The following SPAG16 variants were observed in gnomAD, a reference collection of about 807,000 sequenced individuals.
SPAG16 encodes sperm-associated antigen 16 protein.
Under a neutral mutation model 80.4 loss-of-function variants are expected in SPAG16, and 86 were observed. The observed-to-expected ratio is 1.07, with a 90% CI of 0.90 to 1.28. The LOEUF is 1.28. Among genes scored for constraint, SPAG16 ranks in the 50% most tolerant of loss-of-function variants. The probability of loss-of-function intolerance (pLI) is 0.00; values close to 1 mark genes in which losing one functional copy is unlikely to be tolerated. For missense variants in SPAG16, 870 were observed against 765.3 expected (o/e 1.14, Z -1.61); for synonymous variants, 294 against 265.9 (o/e 1.11, Z -1.03).
chr2:214,258,091 G>C (rs780511311), intron 15 of SPAG16, among the ~76,000 whole-genome samples: 2 of 151,962 alleles, frequency 1.3e-5, no homozygotes, highest in Non-Finnish European at 2.9e-5. Context: ...GCATGTGGTA[G>C]ATATTTTATT....
chr2:213,734,272 T>C lies in SPAG16; in HGVS notation c.1071-128213T>C, dbSNP rs564297756. Among the ~76,000 whole-genome samples the C allele has an allele frequency of 6.6e-4, 101 of 152,300 alleles. 1 individual carries two copies. The highest frequency in any genetic ancestry group is 2.2e-3 in the African/African-American group (92 of 41,574). ...GATAAATGCTAGATGGAAACTGCCATTTGCCCACAATTCTAACATCTTAAA... is the reference window on the plus strand; with the variant it reads ...GATAAATGCTAGATGGAAACTGCCACTTGCCCACAATTCTAACATCTTAAA... On this transcript the variant is annotated intron_variant, in intron 10 of 15. Coordinates refer to ENST00000331683, the MANE Select transcript of SPAG16 (RefSeq NM_024532.5).
chr2:213,317,186 T>C, intron 4 of SPAG16, 33 bp from the exon 5 acceptor site: 1 of 1,389,948 alleles, frequency 7.2e-7, no homozygotes, highest in Non-Finnish European at 9.8e-7. Flanking sequence ...CAGAAAGAAA[T>C]GATATAAACC....
intron 10 of SPAG16, among the ~76,000 whole-genome samples, chr2:213,538,974 A>G (rs2125910522): frequency 6.6e-6 from 1 of 152,302 alleles, no homozygotes; most frequent in South Asian, 2.1e-4. Context: ...TGTACTGTAT[A>G]ATGTGACAGT....
At chr2:213,483,456 C>A (rs374795559) in intron 9 of SPAG16, among the ~76,000 whole-genome samples, 14 of 152,226 alleles carry the variant, frequency 9.2e-5, no homozygotes, top group African/African-American at 3.4e-4. Context: ...ATATATTGAA[C>A]CTGTTATATT....
chr2:213,390,985 T>C (rs2067718673), intron 9 of SPAG16, among the ~76,000 whole-genome samples: 1 of 152,114 alleles, frequency 6.6e-6, no homozygotes, highest in South Asian at 2.1e-4. Context: ...TTAGAAATTA[T>C]ATGGCCAGGC....
At chr2:213,844,154 A>G (rs1575327087) in intron 10 of SPAG16, among the ~76,000 whole-genome samples, 2 of 152,294 alleles carry the variant, frequency 1.3e-5, no homozygotes, top group Admixed American at 1.3e-4. Context: ...CAGCTTGCGT[A>G]AAGGTTTTCT....
intron 15 of SPAG16, among the ~76,000 whole-genome samples, chr2:214,408,485 T>G (rs1298028901): frequency 6.6e-6 from 1 of 152,182 alleles, no homozygotes; most frequent in Non-Finnish European, 1.5e-5. Flanking sequence ...CTGTGTCAGG[T>G]TTTGTTCTAG....
At chr2:213,869,485 GTAGA>G (rs2075864348) in intron 11 of SPAG16, among the ~76,000 whole-genome samples, 2 of 151,348 alleles carry the variant, frequency 1.3e-5, no homozygotes, top group African/African-American at 2.4e-5. Context: ...GGAAAACATA[GTAGA>G]CTTTTATTAA....
chr2:213,419,247 C>T (rs1464193109), intron 9 of SPAG16, among the ~76,000 whole-genome samples: 1 of 152,088 alleles, frequency 6.6e-6, no homozygotes, highest in Non-Finnish European at 1.5e-5. Flanking sequence ...TATGGTTCCC[C>T]CTTGTATTCT....
chr2:213,589,906 A>G (rs1055266420), intron 10 of SPAG16, among the ~76,000 whole-genome samples: 2 of 142,668 alleles, frequency 1.4e-5, no homozygotes, highest in African/African-American at 5.3e-5. Flanking sequence ...CGGGCAACAG[A>G]ACGAAACTCC....
At chr2:213,855,380 C>A (rs1474846485) in intron 10 of SPAG16, among the ~76,000 whole-genome samples, 4 of 152,228 alleles carry the variant, frequency 2.6e-5, no homozygotes, top group East Asian at 1.9e-4. Flanking sequence ...CACTTCCTAG[C>A]TTTGTGACCT....
At chr2:214,000,834 T>C (rs2046758239) in intron 12 of SPAG16, among the ~76,000 whole-genome samples, 1 of 150,672 alleles carries the variant, frequency 6.6e-6, no homozygotes, top group African/African-American at 2.4e-5. Context: ...GTTAAATAGA[T>C]TTTTTTTTTC....
At chr2:214,147,308 A>G (rs960465619) in intron 14 of SPAG16, among the ~76,000 whole-genome samples, 2 of 152,202 alleles carry the variant, frequency 1.3e-5, no homozygotes, top group African/African-American at 2.4e-5. Flanking sequence ...TTTTCACACA[A>G]TAACAATGAT....
At chr2:213,333,981 G>T (rs1384109626) in intron 5 of SPAG16, among the ~76,000 whole-genome samples, 2 of 151,076 alleles carry the variant, frequency 1.3e-5, no homozygotes, top group African/African-American at 4.9e-5. Flanking sequence ...ATCACATCAA[G>T]TTAAAAAGCT....
rs35638596 is a variant in SPAG16 at position 213,599,823 on chromosome 2, T to A, written c.1070+109733T>A. Among the ~76,000 whole-genome samples, 433 of 152,304 alleles carry A rather than the reference T, an allele frequency of 2.8e-3. 1 individual carries two copies. The highest frequency in any genetic ancestry group is 0.014 in the Middle Eastern group (4 of 294). Reference sequence around the variant, plus strand: ...TTCAAGCAATTCTCCTGCCTCAGCATCCCGAGTAGCTGGGTTTACAGGTGC... The same window carrying A: ...TTCAAGCAATTCTCCTGCCTCAGCAACCCGAGTAGCTGGGTTTACAGGTGC... On this transcript the variant is annotated intron_variant, in intron 10 of 15. Transcript: ENST00000331683.
At chr2:214,331,532 G>A (rs1451032999) in intron 15 of SPAG16, among the ~76,000 whole-genome samples, 1 of 152,208 alleles carries the variant, frequency 6.6e-6, no homozygotes, top group Non-Finnish European at 1.5e-5. Flanking sequence ...TGGGAAGTAC[G>A]TAAAGCTACT....
chr2:213,526,402 G>A (rs1387939233), intron 10 of SPAG16, among the ~76,000 whole-genome samples: 3 of 151,932 alleles, frequency 2.0e-5, no homozygotes, highest in Admixed American at 6.6e-5. Context: ...CACCTACTAC[G>A]AATTCATCCT....
chr2:213,390,384 C>T (rs893600141), intron 9 of SPAG16, among the ~76,000 whole-genome samples: 3 of 151,950 alleles, frequency 2.0e-5, no homozygotes, highest in Admixed American at 1.3e-4. Context: ...TATGTTATGC[C>T]ATTAATAACT....
At chr2:214,091,451 G>A (rs2052202035) in intron 13 of SPAG16, among the ~76,000 whole-genome samples, 1 of 152,092 alleles carries the variant, frequency 6.6e-6, no homozygotes, top group African/African-American at 2.4e-5. Flanking sequence ...GTGACTTTAT[G>A]CTGGGTCTTT....
Sources: allele counts gnomAD v4.1 joint callset (sites outside exome capture counted in the v4.1 genomes callset), GRCh38; gene constraint gnomAD v4.1.1; transcripts MANE v1.5; gene names NCBI Gene and HGNC (gene_info 2026-07-23, HGNC 2026-07-21).